The following CAMTA1 variants were observed in gnomAD, a reference collection of about 807,000 sequenced individuals.
CAMTA1 encodes the protein calmodulin-binding transcription activator 1.
Under a neutral mutation model 170.9 loss-of-function variants are expected in CAMTA1, and 27 were observed. That is an observed-to-expected ratio of 0.16 (90% CI 0.12 to 0.22). The LOEUF is 0.22. CAMTA1 is among the 10% of genes least tolerant of loss of function. The pLI is 1.00. For synonymous variants in CAMTA1, 833 were observed against 891.5 expected (o/e 0.93, Z 1.17); for missense variants, 1,619 against 2,217.2 (o/e 0.73, Z 5.42).
At chr1:7,428,910 T>C (rs2092012258) in intron 5 of CAMTA1, among the ~76,000 whole-genome samples, 1 of 152,224 alleles carries the variant, frequency 6.6e-6, no homozygotes, top group Non-Finnish European at 1.5e-5. Context: ...TAAATGTTAT[T>C]TTCTCTGGTC....
intron 4 of CAMTA1, among the ~76,000 whole-genome samples, chr1:7,103,851 CA>C (rs1643177770): frequency 1.5e-4 from 6 of 39,722 alleles, no homozygotes; most frequent in Admixed American, 4.0e-4. Flanking sequence ...CATGTACACA[CA>C]ACACACATAC....
At chr1:7,350,520 A>G (rs2084584209) in intron 5 of CAMTA1, among the ~76,000 whole-genome samples, 1 of 152,240 alleles carries the variant, frequency 6.6e-6, no homozygotes, top group African/African-American at 2.4e-5. Flanking sequence ...TATCACTGCT[A>G]GAAGCCAGCC....
At chr1:7,502,722 A>AG (rs953079084) in intron 6 of CAMTA1, among the ~76,000 whole-genome samples, 4 of 152,154 alleles carry the variant, frequency 2.6e-5, no homozygotes, top group African/African-American at 4.8e-5. Flanking sequence ...TGAGCACTGG[A>AG]GGGGGATTCA....
chr1:7,608,130 G>T (rs1281157789), intron 6 of CAMTA1, among the ~76,000 whole-genome samples: 1 of 152,164 alleles, frequency 6.6e-6, no homozygotes, highest in East Asian at 1.9e-4. Context: ...CTGACCCATG[G>T]CAGGGGTGCA....
chr1:7,492,799 G>T (rs111162187), intron 6 of CAMTA1, among the ~76,000 whole-genome samples: 5 of 138,286 alleles, frequency 3.6e-5, no homozygotes, highest in Non-Finnish European at 6.3e-5. Context: ...ACAAACCTAC[G>T]TATACACATG....
intron 5 of CAMTA1, among the ~76,000 whole-genome samples, chr1:7,397,755 T>C (rs2089446651): frequency 1.3e-5 from 2 of 152,092 alleles, no homozygotes; most frequent in Admixed American, 6.6e-5. Flanking sequence ...TTCATGGGCG[T>C]GTTGTTTAAT....
At chr1:7,701,101 AAG>A (rs1367798144) in intron 11 of CAMTA1, 2 of 152,236 alleles carry the variant, frequency 1.3e-5, no homozygotes, top group African/African-American at 2.4e-5. Flanking sequence ...ACTTAATGGT[AAG>A]AGTTTTTAGG....
Position 7,087,743 on chromosome 1 carries a change from C to A in CAMTA1, c.235-3561C>A, listed in dbSNP as rs75896414. Among the ~76,000 whole-genome samples the A allele has an allele frequency of 6.7e-4, 102 of 152,296 alleles. 1 individual carries two copies. In the East Asian group the frequency reaches 0.018, roughly 27 times the overall value. On this transcript the variant is annotated intron_variant, in intron 3 of 22. Coordinates refer to ENST00000303635, the MANE Select transcript of CAMTA1 (RefSeq NM_015215.4). ...TTCATAGTTTGTTATGAAGATTAAA[C>A]GAGATGGTCCCACATAAGTCCTAGG...
chr1:7,405,092 G>C lies in CAMTA1; in HGVS notation c.439-62738G>C, dbSNP rs2090192607. The stretch of plus-strand genomic sequence containing the variant: ...GAGGTGAGCCATGCTGTTGGAGGCT[G>C]GTCTCTGTGGGCTAAGAGGTCCCCG... On this transcript the variant is annotated intron_variant, in intron 5 of 22. Transcript: ENST00000303635. 2.6e-5 allele frequency among the ~76,000 whole-genome samples: 4 copies of C among 151,976 alleles called. No homozygotes were observed. In the South Asian group the frequency reaches 6.2e-4, roughly 24 times the overall value.
chr1:7,228,440 T>C (rs540847047), intron 4 of CAMTA1, among the ~76,000 whole-genome samples: 1 of 152,310 alleles, frequency 6.6e-6, no homozygotes, highest in South Asian at 2.1e-4. Context: ...CTCCTGACTC[T>C]CACTTCGTGC....
intron 6 of CAMTA1, among the ~76,000 whole-genome samples, chr1:7,495,506 G>A (rs963479493): frequency 2.6e-5 from 4 of 152,296 alleles, no homozygotes; most frequent in African/African-American, 2.4e-5. Context: ...GCATCTACCC[G>A]GCTTGGGCAT....
intron 3 of CAMTA1, among the ~76,000 whole-genome samples, chr1:7,061,790 G>A (rs1164494175): frequency 5.9e-5 from 9 of 151,966 alleles, no homozygotes. Context: ...CAGCAGAGCA[G>A]GGGGTGGCGC....
intron 3 of CAMTA1, among the ~76,000 whole-genome samples, chr1:7,073,073 G>A (rs1298200070): frequency 6.6e-6 from 1 of 152,192 alleles, no homozygotes; most frequent in Non-Finnish European, 1.5e-5. Flanking sequence ...AACCAAGGCG[G>A]CAGCAATTAA....
intron 3 of CAMTA1, among the ~76,000 whole-genome samples, chr1:6,927,271 C>G (rs1309087748): frequency 6.6e-6 from 1 of 152,034 alleles, no homozygotes; most frequent in East Asian, 1.9e-4. Context: ...TGGCCTCAAG[C>G]AATCGACCAC....
At chr1:7,273,363 A>C (rs887481207) in intron 5 of CAMTA1, among the ~76,000 whole-genome samples, 3 of 152,274 alleles carry the variant, frequency 2.0e-5, no homozygotes, top group Non-Finnish European at 4.4e-5. Flanking sequence ...AATGTAGTCT[A>C]TCCATACAAT....
chr1:7,269,581 G>A (rs144674658), intron 5 of CAMTA1, among the ~76,000 whole-genome samples: 58 of 152,240 alleles, frequency 3.8e-4, no homozygotes, highest in African/African-American at 1.3e-3. Flanking sequence ...TCTGGTTATC[G>A]CAATGGGATT....
At chr1:7,124,351 G>A (rs1016027024) in intron 4 of CAMTA1, among the ~76,000 whole-genome samples, 2 of 152,164 alleles carry the variant, frequency 1.3e-5, no homozygotes, top group African/African-American at 4.8e-5. Context: ...CCCTCCCGTT[G>A]TGGAAGCAAA....
In CAMTA1 at chr1:6,811,424, T is replaced by G. The variant is rs148152547; in HGVS notation, c.46-8757T>G. Among the ~76,000 whole-genome samples, 393 of 152,232 alleles carry G rather than the reference T, an allele frequency of 2.6e-3. 1 individual carries two copies. Among genetic ancestry groups the G allele is most frequent in the African/African-American group, 8.8e-3 (367 of 41,510 alleles). On this transcript the variant is annotated intron_variant, in intron 1 of 22. Transcript: ENST00000303635. The stretch of plus-strand genomic sequence containing the variant: ...TGATTTGGGTTTTTGGAGTAGAGAG[T>G]TTACTTTTATGATAAATGACCCCAA...
At chr1:7,402,450 G>T (rs985610848) in intron 5 of CAMTA1, among the ~76,000 whole-genome samples, 1 of 152,184 alleles carries the variant, frequency 6.6e-6, no homozygotes, top group East Asian at 1.9e-4. Context: ...GCCATGATAG[G>T]CAGCACTGTC....
Sources: allele counts gnomAD v4.1 joint callset (sites outside exome capture counted in the v4.1 genomes callset), GRCh38; gene constraint gnomAD v4.1.1; transcripts MANE v1.5; gene names NCBI Gene and HGNC (gene_info 2026-07-23, HGNC 2026-07-21).